Variants in IMPA1 observed in about 807,000 individuals in gnomAD.
The protein encoded by IMPA1 is D-galactose 1-phosphate phosphatase.
Under a neutral mutation model 34.9 loss-of-function variants are expected in IMPA1, and 21 were observed. The ratio of observed to expected loss-of-function variants is 0.60; its 90% CI spans 0.43 to 0.87. The LOEUF (loss-of-function observed/expected upper bound fraction) is 0.87. Ranked by LOEUF, IMPA1 falls within the 40% of genes least tolerant of loss-of-function variation. IMPA1 has a pLI of 0.00. For synonymous variants in IMPA1, 95 were observed against 104.4 expected, an observed-to-expected ratio of 0.91 and a Z score of 0.55; for missense variants, 299 against 336.4, an observed-to-expected ratio of 0.89 and a Z score of 0.87.
At chr8:81,686,092 G>T (rs1585908994) in intron 1 of IMPA1, 160 bp downstream of exon 1, 3 of 898,362 alleles carry the variant, frequency 3.3e-6, no homozygotes, top group Middle Eastern at 3.4e-4. Flanking sequence ...GGGCAGCTCC[G>T]GATAACGCAG....
At chr8:81,676,650 T>C (rs894489056) in intron 4 of IMPA1, among the ~76,000 whole-genome samples, 2 of 152,198 alleles carry the variant, frequency 1.3e-5, no homozygotes, top group African/African-American at 4.8e-5. Context: ...GCGTTTTCTA[T>C]CTTTTGAAGG....
chr8:81,680,623 T>C (rs753237678), intron 3 of IMPA1, 27 bp downstream of exon 3: 10 of 1,542,840 alleles, frequency 6.5e-6, no homozygotes, highest in Non-Finnish European at 8.9e-6. Flanking sequence ...ATAATAAACA[T>C]TTCTTGTACA....
chr8:81,672,499 C>T (rs571251146), intron 6 of IMPA1, among the ~76,000 whole-genome samples: 1 of 152,284 alleles, frequency 6.6e-6, no homozygotes, highest in African/African-American at 2.4e-5. Context: ...AGTGTATAGC[C>T]AATCACTAAG....
intron 7 of IMPA1, among the ~76,000 whole-genome samples, chr8:81,665,799 C>T (rs1418524707): frequency 6.6e-6 from 1 of 152,140 alleles, no homozygotes; most frequent in Non-Finnish European, 1.5e-5. Context: ...AGCAAGGCAA[C>T]AGTGAAAGAA....
chr8:81,669,981 T>C (rs1376683344), intron 7 of IMPA1, among the ~76,000 whole-genome samples: 2 of 152,210 alleles, frequency 1.3e-5, no homozygotes, highest in Non-Finnish European at 2.9e-5. Flanking sequence ...CCCCACCATG[T>C]CACATTCTGT....
At chr8:81,673,702 A>G in intron 6 of IMPA1, 139 bp downstream of exon 6, 1 of 592,840 alleles carries the variant, frequency 1.7e-6, no homozygotes, top group Non-Finnish European at 3.0e-6. Context: ...TTCAAAGCTG[A>G]AGTCAAAAAG....
At chr8:81,663,808 G>A (rs1447818297) in intron 7 of IMPA1, among the ~76,000 whole-genome samples, 1 of 152,196 alleles carries the variant, frequency 6.6e-6, no homozygotes, top group African/African-American at 2.4e-5. Context: ...GGGAGGCCAA[G>A]GCAGGTGAAT....
intron 1 of IMPA1, among the ~76,000 whole-genome samples, chr8:81,685,468 A>C (rs2130346164): frequency 7.0e-6 from 1 of 142,574 alleles, no homozygotes; most frequent in African/African-American, 2.5e-5. Flanking sequence ...AAGTATATAT[A>C]CCTAAGTATA....
At chr8:81,663,548 C>T (rs2400589) in intron 7 of IMPA1, among the ~76,000 whole-genome samples, 50,418 of 152,020 alleles carry the variant, frequency 0.33, 8,918 homozygotes, top group East Asian at 0.72. Flanking sequence ...AGTCAACTCA[C>T]CTACAAAATA....
At chr8:81,677,865 C>T (rs1807174514) in intron 4 of IMPA1, among the ~76,000 whole-genome samples, 1 of 152,142 alleles carries the variant, frequency 6.6e-6, no homozygotes, top group African/African-American at 2.4e-5. Context: ...ATGGGAACTT[C>T]AAATATGACA....
Position 81,679,228 on chromosome 8 carries a change from A to C in IMPA1, c.200T>G (p.Phe67Cys). The change falls in exon 4 of 9, where the codon TTC (phenylalanine) becomes TGC (cysteine). Residue 67 changes from phenylalanine to cysteine, a missense_variant and splice_region_variant. Coordinates refer to ENST00000256108, the MANE Select transcript of IMPA1 (RefSeq NM_005536.4). ...SIKEKYPSHS[F>C]IGEESVAAGE... ...AGCTGCCACAGATTCTTCACCAATG[A>C]AACTAAAAGCCAAGTAGGACAAACT... The C allele has an allele frequency of 6.2e-7, 1 of 1,605,422 alleles. No individual in the cohort carries two copies. The highest frequency in any genetic ancestry group is 8.5e-7 in the Non-Finnish European group (1 of 1,172,116).
intron 7 of IMPA1, among the ~76,000 whole-genome samples, chr8:81,665,188 G>T (rs1806786795): frequency 6.6e-6 from 1 of 151,550 alleles, no homozygotes; most frequent in African/African-American, 2.4e-5. Context: ...ACAATGAAGG[G>T]GAATAAAATG....
chr8:81,684,130 T>TACACACATACACACAC (rs1807391564), intron 1 of IMPA1, among the ~76,000 whole-genome samples: 1 of 114,190 alleles, frequency 8.8e-6, no homozygotes, highest in Non-Finnish European at 2.0e-5. Flanking sequence ...CACACACACA[T>TACACACATACACACAC]ACACACATAC....
At chr8:81,674,802 T>C (rs1186251817) in intron 5 of IMPA1, 2 of 455,406 alleles carry the variant, frequency 4.4e-6, no homozygotes, top group Non-Finnish European at 8.8e-6. Flanking sequence ...ATCAACCTCA[T>C]AATCGGGGGA....
intron 1 of IMPA1, 145 bp downstream of exon 1, chr8:81,686,107 C>G: frequency 1.2e-6 from 1 of 830,670 alleles, no homozygotes; most frequent in Non-Finnish European, 1.6e-6. Flanking sequence ...ACGCAGCAGG[C>G]AGGGGTCACC....
intron 7 of IMPA1, among the ~76,000 whole-genome samples, chr8:81,666,869 C>CAA (rs33975606): frequency 4.3e-4 from 17 of 39,348 alleles, no homozygotes; most frequent in Non-Finnish European, 5.8e-4. Flanking sequence ...GACTCTGTCT[C>CAA]AAAAAAAAAA....
intron 7 of IMPA1, among the ~76,000 whole-genome samples, chr8:81,669,797 CAT>C (rs1806936550): frequency 6.6e-6 from 1 of 152,166 alleles, no homozygotes. Context: ...CTCCAAAACT[CAT>C]ATGGAAACTT....
chr8:81,682,344 A>G (rs911772502), intron 1 of IMPA1, among the ~76,000 whole-genome samples: 1 of 152,156 alleles, frequency 6.6e-6, no homozygotes, highest in Non-Finnish European at 1.5e-5. Flanking sequence ...CTGTCAGACT[A>G]AAAACTGTGG....
Position 81,685,021 on chromosome 8 carries a change from ATATT to A in IMPA1, c.-25+1227_-25+1230del, listed in dbSNP as rs1313060496. The stretch of plus-strand genomic sequence containing the variant: ...GATACTATATATACTATACGTAAGT[ATATT>A]TAGATACTATATATAGTATATATAC... On this transcript the variant is annotated intron_variant, in intron 1 of 8. Coordinates refer to ENST00000256108, the MANE Select transcript of IMPA1 (RefSeq NM_005536.4). 8.0e-5 allele frequency among the ~76,000 whole-genome samples: 11 copies of A among 136,918 alleles called. No individual in the cohort carries two copies. In the East Asian group the frequency reaches 1.7e-3, roughly 21 times the overall value. 89.8% of individuals were successfully genotyped at this position (136,918 alleles called of 152,430 possible). A position where few individuals can be genotyped will look rare whatever the true frequency, so the allele number is the denominator to read the frequency against.
Sources: allele counts gnomAD v4.1 joint callset (sites outside exome capture counted in the v4.1 genomes callset), GRCh38; gene constraint gnomAD v4.1.1; transcripts MANE v1.5; gene names NCBI Gene and HGNC (gene_info 2026-07-23, HGNC 2026-07-21).